TCOF1: variants seen among roughly 807,000 people sequenced by gnomAD.
TCOF1 encodes the protein treacle ribosome biogenesis factor 1.
In TCOF1, 33 loss-of-function variants were observed where a neutral mutation model predicts 149.0. The ratio of observed to expected loss-of-function variants is 0.22; its 90% confidence interval spans 0.17 to 0.30. The LOEUF (loss-of-function observed/expected upper bound fraction) is 0.30, where lower values mean the gene tolerates loss of function less well. Ranked by LOEUF, TCOF1 falls within the 10% of genes least tolerant of loss-of-function variation. The probability of loss-of-function intolerance (pLI) is 1.00; values close to 1 mark genes in which losing one functional copy is unlikely to be tolerated. For synonymous variants in TCOF1, 789 were observed against 738.8 expected (o/e 1.07, Z -1.10); for missense variants, 1,728 against 1,840.7 (o/e 0.94, Z 1.12).
In TCOF1 at chr5:150,364,199, C is replaced by T. The variant is rs1760786350; in HGVS notation, c.251C>T (p.Thr84Ile). 6.2e-7 allele frequency: 1 copy of T among 1,614,012 alleles called. No homozygotes were observed. The highest frequency in any genetic ancestry group is 8.5e-7 in the Non-Finnish European group (1 of 1,180,020). Residue 84 changes from threonine to isoleucine, a missense_variant, in exon 3 of 27, where the codon ACC becomes ATC. Thr to Ile is a moderately conservative substitution (Grantham distance 89, BLOSUM62 -1). Coordinates refer to ENST00000643257, the MANE Select transcript of TCOF1 (RefSeq NM_001371623.1). ...ACCCGTGTGTCAGACCCCATCAGCA[C>T]CTCGGAGAGCTCGGAAGAGGAGGAA... The part of the protein sequence containing the change: ...KKTRVSDPIS[T>I]SESSEEEEEA...
At chr5:150,398,255 G>A (rs914797247) in intron 24 of TCOF1, 99 bp from the exon 25 acceptor site, 2 of 1,588,186 alleles carry the variant, frequency 1.3e-6, no homozygotes, top group South Asian at 1.2e-5. Context: ...CTGGTGGTGT[G>A]GGGAAAGCTG....
intron 10 of TCOF1, 54 bp from the exon 11 acceptor site, chr5:150,375,285 A>C: frequency 6.2e-7 from 1 of 1,603,184 alleles, no homozygotes; most frequent in Non-Finnish European, 8.5e-7. Context: ...TCCTCCCCTC[A>C]CTCACATTCT....
At chr5:150,386,121 A>G (rs1044379665) in intron 17 of TCOF1, among the ~76,000 whole-genome samples, 2 of 152,146 alleles carry the variant, frequency 1.3e-5, no homozygotes, top group African/African-American at 4.8e-5. Flanking sequence ...TATGAACTCT[A>G]CAGGCTAATG....
intron 25 of TCOF1, 132 bp downstream of exon 25, chr5:150,398,583 A>G (rs1769084639): frequency 7.2e-7 from 1 of 1,390,366 alleles, no homozygotes; most frequent in Non-Finnish European, 1.0e-6. Context: ...GTTGTGACAC[A>G]CCAGGGAAGA....
intron 17 of TCOF1, chr5:150,384,218 G>A (rs1373348772): frequency 1.0e-6 from 1 of 998,658 alleles, no homozygotes; most frequent in Non-Finnish European, 1.2e-6. Flanking sequence ...CTTTCCAATG[G>A]CACAGATTAC....
Position 150,375,335 on chromosome 5 carries a change from C to T in TCOF1, c.1489-4C>T. 6.2e-7 allele frequency: 1 copy of T among 1,610,988 alleles called. No individual in the cohort carries two copies. On this transcript the variant is annotated splice_region_variant and splice_polypyrimidine_tract_variant and intron_variant, in intron 10 of 26. Transcript: ENST00000643257. ...TCCCTAATCTTGTCCTTTGTGTCTC[C>T]CAGGTGAAGCCCTTGGGGAAAAGCC...
intron 11 of TCOF1, 56 bp downstream of exon 11, chr5:150,375,610 G>T (rs938033944): frequency 6.2e-7 from 1 of 1,612,604 alleles, no homozygotes; most frequent in African/African-American, 1.3e-5. Flanking sequence ...GAGTGGAGCT[G>T]CCTGTGGCCT....
chr5:150,366,933 C>A, intron 3 of TCOF1, among the ~76,000 whole-genome samples: 1 of 22 alleles, frequency 0.045, no homozygotes, highest in Non-Finnish European at 0.05. Flanking sequence ...GGATTACAGG[C>A]GTGAGGCCAC....
chr5:150,391,998 G>A lies in TCOF1; in HGVS notation c.3339G>A (p.Gln1113=), dbSNP rs147074393. The part of the protein sequence containing the change: ...AVGTLPATSP[Q]STSVQAKGTN... ...GAACACTCCCTGCAACAAGTCCCCA[G>A]AGCACCTCCGTCCAGGCCAAAGGGA... is the stretch of plus-strand genomic sequence containing the variant. The change falls in exon 21 of 27, where the codon CAG becomes CAA. Residue 1113 remains glutamine, a synonymous_variant. Transcript: ENST00000643257. 1,536 of 1,614,192 alleles carry A rather than the reference G, an allele frequency of 9.5e-4. 5 individuals carry two copies. The highest frequency in any genetic ancestry group is 1.5e-3 in the Middle Eastern group (9 of 6,062).
chr5:150,393,831 CAGAG>C (rs1288237345), intron 23 of TCOF1: 11 of 468,208 alleles, frequency 2.3e-5, no homozygotes, highest in Non-Finnish European at 4.3e-5. Context: ...CTGGGCAACA[CAGAG>C]AGACCCCATC....
Position 150,387,948 on chromosome 5 carries a change from C to T in TCOF1, c.2906C>T (p.Ala969Val). ...LIFVDPNRSP[A>V]GPAATPAQAQ... ...TTTGTCGACCCTAATCGTAGTCCAG[C>T]TGGCCCAGCTGCTACACCCGCACAA... is the stretch of plus-strand genomic sequence containing the variant. The change falls in exon 18 of 27, where the codon GCT becomes GTT. Residue 969 changes from alanine (A) to valine (V), a missense_variant. Physicochemically the swap from Ala to Val is moderately conservative, Grantham distance 64. Transcript: ENST00000643257. 1 of 1,614,060 alleles carries T rather than the reference C, an allele frequency of 6.2e-7. No individual in the cohort carries two copies. Among genetic ancestry groups the T allele is most frequent in the South Asian group, 1.1e-5 (1 of 91,084 alleles).
chr5:150,382,999 G>A, intron 17 of TCOF1: 1 of 1,347,366 alleles, frequency 7.4e-7, no homozygotes, highest in Non-Finnish European at 1.0e-6. Context: ...CCTACTGGCT[G>A]TTTCCCCCTC....
At chr5:150,375,237 CTG>C in intron 10 of TCOF1, 74 bp downstream of exon 10, 1 of 1,610,876 alleles carries the variant, frequency 6.2e-7, no homozygotes, top group African/African-American at 1.3e-5. Context: ...CTTTTCCTCT[CTG>C]AACCTAGAGC....
intron 19 of TCOF1, among the ~76,000 whole-genome samples, 184 bp downstream of exon 19, chr5:150,390,207 T>C (rs1376651562): frequency 6.6e-6 from 1 of 152,226 alleles, no homozygotes; most frequent in Non-Finnish European, 1.5e-5. Context: ...CTTTGAGTTA[T>C]GAGGAAGAGT....
chr5:150,390,662 A>G (rs947936783), intron 19 of TCOF1, among the ~76,000 whole-genome samples: 1 of 151,184 alleles, frequency 6.6e-6, no homozygotes, highest in Non-Finnish European at 1.5e-5. Context: ...GGGGTGGGCT[A>G]AGGGGGTGTT....
chr5:150,385,560 TGA>T (rs1766107995), intron 17 of TCOF1, among the ~76,000 whole-genome samples: 1 of 152,210 alleles, frequency 6.6e-6, no homozygotes, highest in Non-Finnish European at 1.5e-5. Flanking sequence ...CAGGCAATTC[TGA>T]GAGAGGTTCT....
rs1293875698 is a variant in TCOF1, at chr5:150,393,780, G to C, written c.3784+228G>C. ...CATAATCCCAGCACTTTGGGAGGCC[G>C]AGGTGGGCAGATTGCTCAAGCCCAG... On this transcript the variant is annotated intron_variant, in intron 23 of 26. Transcript: ENST00000643257. 8.7e-6 allele frequency: 5 copies of C among 572,192 alleles called. No individual in the cohort carries two copies. In the South Asian group the frequency reaches 9.9e-5, roughly 11 times the overall value. 35.4% of individuals were successfully genotyped at this position (572,192 alleles called of 1,614,324 possible).
chr5:150,393,461 A>C lies in TCOF1; in HGVS notation c.3693A>C (p.Ser1231=), dbSNP rs776918121. ...CTCCCAAGCTAGACTCCAGCCCCTC[A>C]GTTTCCTCTACTCTGGCCGCCAAAG... ...KATPKLDSSP[S]VSSTLAAKDD... is the part of the protein sequence containing the mutation. The change falls in exon 23 of 27, where the codon TCA becomes TCC. Residue 1231 remains serine, a synonymous_variant. Coordinates refer to ENST00000643257, the MANE Select transcript of TCOF1 (RefSeq NM_001371623.1). 2 of 1,614,152 alleles carry C rather than the reference A, an allele frequency of 1.2e-6. No homozygotes were observed. Among genetic ancestry groups the C allele is most frequent in the Non-Finnish European group, 1.7e-6 (2 of 1,180,030 alleles).
intron 1 of TCOF1, 72 bp downstream of exon 1, chr5:150,357,926 C>T: frequency 1.3e-6 from 2 of 1,488,008 alleles, no homozygotes; most frequent in Non-Finnish European, 9.1e-7. Flanking sequence ...GCCCGCGCCC[C>T]GTCCCCAGGC....
Sources: allele counts gnomAD v4.1 joint callset (sites outside exome capture counted in the v4.1 genomes callset), GRCh38; gene constraint gnomAD v4.1.1; transcripts MANE v1.5; gene names NCBI Gene and HGNC (gene_info 2026-07-23, HGNC 2026-07-21).